Variants in SIL1 observed in about 807,000 individuals in gnomAD.
The protein encoded by SIL1 is nucleotide exchange factor SIL1.
In SIL1, 40 loss-of-function variants were observed where a neutral mutation model predicts 49.1. The ratio of observed to expected loss-of-function variants is 0.81; its 90% CI spans 0.63 to 1.06. The LOEUF is 1.06. Ranked by LOEUF, SIL1 falls within the 50% of genes least tolerant of loss-of-function variation. SIL1 has a pLI of 0.00. For missense variants in SIL1, 500 were observed against 572.6 expected, an observed-to-expected ratio of 0.87 and a Z score of 1.29; for synonymous variants, 253 against 250.8, an observed-to-expected ratio of 1.01 and a Z score of -0.08.
chr5:139,084,627 A>T (rs1204760833), intron 3 of SIL1, among the ~76,000 whole-genome samples: 2 of 121,638 alleles, frequency 1.6e-5, no homozygotes, highest in African/African-American at 6.3e-5. Flanking sequence ...CACTCTGGGA[A>T]CTGTGGTGGG....
chr5:139,105,886 T>C (rs1770696601), intron 3 of SIL1, among the ~76,000 whole-genome samples: 1 of 152,198 alleles, frequency 6.6e-6, no homozygotes, highest in Non-Finnish European at 1.5e-5. Context: ...CACAAGGCAA[T>C]TTCTCTCTGT....
At chr5:139,076,819 T>C (rs1025160462) in intron 3 of SIL1, among the ~76,000 whole-genome samples, 28 of 151,528 alleles carry the variant, frequency 1.8e-4, no homozygotes, top group African/African-American at 6.3e-4. Context: ...AACAAAAGAG[T>C]CACCAGAAAG....
At chr5:139,189,555 A>G (rs998480438) in intron 1 of SIL1, among the ~76,000 whole-genome samples, 1 of 152,232 alleles carries the variant, frequency 6.6e-6, no homozygotes, top group Non-Finnish European at 1.5e-5. Flanking sequence ...TAGGTTGGGC[A>G]TGATGCCCAT....
At chr5:138,960,707 T>C (rs1297320682) in intron 7 of SIL1, among the ~76,000 whole-genome samples, 1 of 152,210 alleles carries the variant, frequency 6.6e-6, no homozygotes, top group South Asian at 2.1e-4. Flanking sequence ...CTGCCAGCCT[T>C]GACCTCCCAA....
intron 3 of SIL1, among the ~76,000 whole-genome samples, chr5:139,058,971 T>C (rs1390726998): frequency 1.9e-5 from 1 of 53,138 alleles, no homozygotes; most frequent in Non-Finnish European, 3.7e-5. Flanking sequence ...GAAATGTGTA[T>C]GTGTGTGTGT....
intron 5 of SIL1, among the ~76,000 whole-genome samples, chr5:139,028,912 C>T (rs1768723871): frequency 6.6e-6 from 1 of 152,204 alleles, no homozygotes; most frequent in South Asian, 2.1e-4. Context: ...ACTTTATCCT[C>T]CCATGCTACT....
intron 7 of SIL1, among the ~76,000 whole-genome samples, chr5:138,954,118 C>A (rs993310940): frequency 2.0e-5 from 3 of 152,210 alleles, no homozygotes; most frequent in Non-Finnish European, 2.9e-5. Flanking sequence ...CACAGCCAAG[C>A]CAGCAGCAGC....
intron 1 of SIL1, among the ~76,000 whole-genome samples, chr5:139,171,233 A>C (rs1486594355): frequency 1.3e-5 from 2 of 152,222 alleles, no homozygotes; most frequent in Non-Finnish European, 2.9e-5. Context: ...GGCCGGGATG[A>C]CAATGGCGGT....
At chr5:139,197,034 C>T (rs1214617302) in intron 1 of SIL1, among the ~76,000 whole-genome samples, 1 of 151,962 alleles carries the variant, frequency 6.6e-6, no homozygotes, top group Non-Finnish European at 1.5e-5. Context: ...TTTGGGAGGC[C>T]GAGGTAGACA....
chr5:138,947,140 T>C lies in SIL1; in HGVS notation c.1363A>G (p.Ser455Gly). The C allele has an allele frequency of 1.2e-6, 2 of 1,613,582 alleles. No individual in the cohort carries two copies. Among genetic ancestry groups the C allele is most frequent in the Non-Finnish European group, 1.7e-6 (2 of 1,179,846 alleles). The change falls in exon 10 of 10, where the codon AGC (serine) becomes GGC (glycine). Residue 455 changes from serine to glycine, a missense_variant. Physicochemically the swap from Ser to Gly is moderately conservative, Grantham distance 56. Transcript: ENST00000394817. This position sits in a 1 kb window ranked among gnomAD's most constrained non-coding sequence, Gnocchi z 4.1. ...YFQELLGSVN[S>G]LLKELR is the part of the protein sequence containing the mutation. ...CCTCATCTCAGCTCCTTCAGCAAGC[T>C]GTTGACAGAGCCCAGCAGCTCCTGG...
chr5:139,038,033 A>T (rs182385303), intron 5 of SIL1, among the ~76,000 whole-genome samples: 1 of 152,178 alleles, frequency 6.6e-6, no homozygotes, highest in Admixed American at 6.5e-5. Context: ...GTAGAGAGAG[A>T]GAGTACTGGT....
chr5:139,063,715 G>A (rs1769643531), intron 3 of SIL1, among the ~76,000 whole-genome samples: 1 of 152,214 alleles, frequency 6.6e-6, no homozygotes, highest in Non-Finnish European at 1.5e-5. Context: ...CACCACTACT[G>A]CTCATTTTCT....
chr5:138,996,890 A>G (rs1767881640), intron 7 of SIL1, among the ~76,000 whole-genome samples: 1 of 152,060 alleles, frequency 6.6e-6, no homozygotes, highest in African/African-American at 2.4e-5. Flanking sequence ...TTGAGGTCTT[A>G]CACACAAAAA....
intron 1 of SIL1, among the ~76,000 whole-genome samples, chr5:139,163,638 G>A (rs1751560868): frequency 6.6e-6 from 1 of 151,988 alleles, no homozygotes; most frequent in South Asian, 2.1e-4. Flanking sequence ...CCAAAGTGCT[G>A]GGATTACAGG....
rs138793943 is a variant in SIL1 at position 139,075,390 on chromosome 5, T to C, written c.245-24344A>G. ...AAGGACATTAGTCCAAACTACTCTATAGAGGAAAAGCAATAATCCAAGGAC... is the reference window on the plus strand; with the variant it reads ...AAGGACATTAGTCCAAACTACTCTACAGAGGAAAAGCAATAATCCAAGGAC... On this transcript the variant is annotated intron_variant, in intron 3 of 9. Transcript: ENST00000394817. Among the ~76,000 whole-genome samples, 33 of 152,202 alleles carry C rather than the reference T, an allele frequency of 2.2e-4. No individual in the cohort carries two copies. In the East Asian group the frequency reaches 5.4e-3, roughly 25 times the overall value.
At position 138,951,990 on chromosome 5, in the gene SIL1, C is replaced by T. The variant is rs1421576799; in HGVS notation, c.768-106G>A. 4 of 1,010,212 alleles carry T rather than the reference C, an allele frequency of 4.0e-6. No homozygotes were observed. The Admixed American group carries it at 5.4e-5, about 14-fold the overall frequency. 62.6% of individuals were successfully genotyped at this position (1,010,212 alleles called of 1,614,324 possible). ...CATCCCTGGGGAGAAACAAGAACAA[C>T]AGAGGTTCCCACACGGGGCAAGTCA... On this transcript the variant is annotated intron_variant, in intron 7 of 9. Transcript: ENST00000394817.
At chr5:139,104,968 G>A (rs1440072727) in intron 3 of SIL1, among the ~76,000 whole-genome samples, 3 of 152,116 alleles carry the variant, frequency 2.0e-5, no homozygotes, top group Admixed American at 6.5e-5. Context: ...GAGGAAAAGC[G>A]GAAGAAATGA....
At chr5:139,024,609 C>T (rs1292913318) in intron 6 of SIL1, among the ~76,000 whole-genome samples, 2 of 152,208 alleles carry the variant, frequency 1.3e-5, no homozygotes, top group African/African-American at 4.8e-5. Flanking sequence ...GGATCTCAAA[C>T]AAGCCTTTGA....
intron 7 of SIL1, among the ~76,000 whole-genome samples, chr5:139,005,548 C>T: frequency 7.4e-6 from 1 of 134,900 alleles, no homozygotes; most frequent in African/African-American, 2.8e-5. Context: ...GTGCGCTGCG[C>T]CCACTAACTC....
Sources: allele counts gnomAD v4.1 joint callset (sites outside exome capture counted in the v4.1 genomes callset), GRCh38; gene constraint gnomAD v4.1.1; non-coding constraint Gnocchi (gnomAD v3.1); transcripts MANE v1.5; gene names NCBI Gene and HGNC (gene_info 2026-07-23, HGNC 2026-07-21).